Variants in PLCB4 observed in about 807,000 individuals in gnomAD.
The protein encoded by PLCB4 is phospholipase C beta 4.
Under a neutral mutation model 178.8 loss-of-function variants are expected in PLCB4, and 77 were observed. The ratio of observed to expected loss-of-function variants is 0.43; its 90% CI spans 0.36 to 0.52. The LOEUF (loss-of-function observed/expected upper bound fraction) is 0.52. Ranked by LOEUF, PLCB4 falls within the 20% of genes least tolerant of loss-of-function variation. The pLI, the probability that PLCB4 is intolerant of heterozygous loss-of-function variation, is 0.00. For synonymous variants in PLCB4, 496 were observed against 490.8 expected (o/e 1.01, Z -0.14); for missense variants, 1,024 against 1,453.4 (o/e 0.70, Z 4.80).
intron 1 of PLCB4, among the ~76,000 whole-genome samples, chr20:9,087,847 A>G (rs2090503306): frequency 6.6e-6 from 1 of 152,212 alleles, no homozygotes; most frequent in African/African-American, 2.4e-5. Context: ...TCAGCTCCTC[A>G]TATTCCAGTG....
chr20:9,186,425 C>T (rs1024160543), intron 2 of PLCB4, among the ~76,000 whole-genome samples: 1 of 152,192 alleles, frequency 6.6e-6, no homozygotes, highest in African/African-American at 2.4e-5. Flanking sequence ...AGGCTCTTTT[C>T]AGGAAAGGGC....
intron 3 of PLCB4, among the ~76,000 whole-genome samples, chr20:9,300,089 G>T (rs1464682788): frequency 6.6e-6 from 1 of 152,072 alleles, no homozygotes; most frequent in Non-Finnish European, 1.5e-5. Context: ...AGCCCTGGAT[G>T]ATCTGATGAC....
chr20:9,368,617 T>C (rs1470332488), intron 9 of PLCB4, among the ~76,000 whole-genome samples: 3 of 152,064 alleles, frequency 2.0e-5, no homozygotes, highest in Admixed American at 1.3e-4. Context: ...GAAGAAGGTA[T>C]GATTCTGCTG....
intron 7 of PLCB4, 48 bp downstream of exon 7, chr20:9,339,085 G>C (rs370716958): frequency 1.4e-6 from 2 of 1,439,326 alleles, no homozygotes; most frequent in Non-Finnish European, 1.9e-6. Context: ...ATGTATATAT[G>C]TTGTGTGTTT....
chr20:9,326,109 C>T (rs1035459125), intron 4 of PLCB4, among the ~76,000 whole-genome samples: 6 of 152,168 alleles, frequency 3.9e-5, no homozygotes, highest in African/African-American at 1.4e-4. Flanking sequence ...CTAATTCCAT[C>T]ACATTTGGGA....
chr20:9,340,400 A>T (rs565868659), intron 7 of PLCB4, among the ~76,000 whole-genome samples: 3 of 152,142 alleles, frequency 2.0e-5, no homozygotes, highest in Non-Finnish European at 4.4e-5. Context: ...CTGAATCTTC[A>T]TTTTTGACAA....
At chr20:9,189,380 C>A (rs2093369488) in intron 2 of PLCB4, among the ~76,000 whole-genome samples, 1 of 76,574 alleles carries the variant, frequency 1.3e-5, no homozygotes, top group African/African-American at 6.0e-5. Flanking sequence ...TTGTGGAGGG[C>A]TGTCATATAG....
chr20:9,163,598 TA>T (rs1170606232), intron 2 of PLCB4, among the ~76,000 whole-genome samples: 3 of 152,122 alleles, frequency 2.0e-5, no homozygotes, highest in Non-Finnish European at 2.9e-5. Context: ...TTTGTGGTAA[TA>T]AATTTTTGTA....
At chr20:9,193,400 A>G (rs938633198) in intron 2 of PLCB4, among the ~76,000 whole-genome samples, 1 of 152,194 alleles carries the variant, frequency 6.6e-6, no homozygotes, top group African/African-American at 2.4e-5. Context: ...TTCCTTTCCC[A>G]CTAACTCTGA....
intron 2 of PLCB4, among the ~76,000 whole-genome samples, chr20:9,150,426 A>G (rs998395170): frequency 2.3e-4 from 35 of 152,152 alleles, no homozygotes; most frequent in African/African-American, 8.0e-4. Context: ...ACTGTCATGC[A>G]CATTTGTACT....
At chr20:9,124,833 T>C (rs370620221) in intron 2 of PLCB4, among the ~76,000 whole-genome samples, 283 of 152,318 alleles carry the variant, frequency 1.9e-3, no homozygotes, top group Middle Eastern at 6.8e-3. Context: ...ATATGAACTT[T>C]GTTTTGCAGT....
chr20:9,110,772 T>C (rs960873663), intron 2 of PLCB4, among the ~76,000 whole-genome samples: 1 of 152,180 alleles, frequency 6.6e-6, no homozygotes, highest in African/African-American at 2.4e-5. Context: ...ATGAATAGTT[T>C]AGAGGAAGAT....
At chr20:9,178,893 T>C in intron 2 of PLCB4, among the ~76,000 whole-genome samples, 1 of 152,298 alleles carries the variant, frequency 6.6e-6, no homozygotes, top group African/African-American at 2.4e-5. Context: ...ATGTTAAGTG[T>C]GAACTTGCTT....
At chr20:9,388,805 A>T (rs2037896951) in intron 15 of PLCB4, among the ~76,000 whole-genome samples, 2 of 152,238 alleles carry the variant, frequency 1.3e-5, no homozygotes, top group Non-Finnish European at 1.5e-5. Context: ...ACCAGCAATG[A>T]ATTCAAGATA....
intron 39 of PLCB4, 89 bp from the exon 40 acceptor site, chr20:9,478,832 C>A (rs192368271): frequency 1.1e-6 from 1 of 911,612 alleles, no homozygotes; most frequent in South Asian, 1.3e-5. Context: ...GTGACAGGAT[C>A]ATATTTATGG....
At chr20:9,263,995 A>C (rs1016535164) in intron 3 of PLCB4, among the ~76,000 whole-genome samples, 2 of 152,192 alleles carry the variant, frequency 1.3e-5, no homozygotes, top group Non-Finnish European at 2.9e-5. Flanking sequence ...TGCCTCTGAA[A>C]GTTTTTTAAC....
chr20:9,358,792 A>G (rs558520781), intron 7 of PLCB4, among the ~76,000 whole-genome samples: 1 of 152,284 alleles, frequency 6.6e-6, no homozygotes, highest in Admixed American at 6.5e-5. Flanking sequence ...CCATCTACTC[A>G]TGAGGCTGAG....
intron 12 of PLCB4, among the ~76,000 whole-genome samples, chr20:9,378,598 A>G (rs1355291992): frequency 6.6e-6 from 1 of 152,024 alleles, no homozygotes; most frequent in Non-Finnish European, 1.5e-5. Flanking sequence ...TCTTCCCTGC[A>G]TATCCCATAA....
chr20:9,340,852 C>G (rs963681147), intron 7 of PLCB4, among the ~76,000 whole-genome samples: 4 of 152,098 alleles, frequency 2.6e-5, no homozygotes, highest in African/African-American at 4.8e-5. Flanking sequence ...TGAGTTATGA[C>G]GTGGGAAGCA....
Sources: gnomAD v4.1 joint callset for allele counts (sites outside exome capture counted in the v4.1 genomes callset) on GRCh38, gnomAD v4.1.1 for gene constraint, MANE v1.5 for transcripts, NCBI Gene and HGNC (gene_info 2026-07-23, HGNC 2026-07-21) for gene names.